VPS39: variants seen among roughly 807,000 people sequenced by gnomAD.
VPS39 encodes VPS39 subunit of HOPS complex, also known as vam6/Vps39-like protein.
VPS39 carries 70 observed loss-of-function variants against 121.0 expected under a neutral mutation model. The observed-to-expected ratio is 0.58, with a 90% CI of 0.48 to 0.71. The LOEUF (loss-of-function observed/expected upper bound fraction) is 0.71. Among genes scored for constraint, VPS39 ranks in the 30% least tolerant of loss-of-function variants. The probability of loss-of-function intolerance (pLI) is 0.00; values close to 1 mark genes in which losing one functional copy is unlikely to be tolerated. For synonymous variants in VPS39, 378 were observed against 398.1 expected (o/e 0.95, Z 0.60); for missense variants, 818 against 1,051.5 (o/e 0.78, Z 3.07).
At chr15:42,165,954 G>T in intron 16 of VPS39, 138 bp from the exon 17 acceptor site, 3 of 925,666 alleles carry the variant, frequency 3.2e-6, no homozygotes, top group Non-Finnish European at 5.1e-6. Context: ...CAGTCAGCAT[G>T]TCAGACGAGG....
At chr15:42,179,364 T>C (rs1249273819) in intron 8 of VPS39, among the ~76,000 whole-genome samples, 3 of 150,466 alleles carry the variant, frequency 2.0e-5, no homozygotes, top group Non-Finnish European at 3.0e-5. Flanking sequence ...GGTCAGGAGA[T>C]CGAGACCATC....
chr15:42,194,945 A>C (rs1182086056), intron 2 of VPS39, among the ~76,000 whole-genome samples: 11 of 151,952 alleles, frequency 7.2e-5, no homozygotes, highest in Admixed American at 2.6e-4. Context: ...TGAAAAAAAA[A>C]AAAAACAAAA....
intron 7 of VPS39, among the ~76,000 whole-genome samples, chr15:42,186,308 C>T (rs1182911962): frequency 6.6e-6 from 1 of 151,476 alleles, no homozygotes; most frequent in Non-Finnish European, 1.5e-5. Context: ...ATTAGCTGAG[C>T]ATGGTGGTAG....
chr15:42,191,056 A>G (rs2049818578), intron 4 of VPS39, 69 bp downstream of exon 4: 10 of 1,542,546 alleles, frequency 6.5e-6, no homozygotes, highest in African/African-American at 2.7e-5. Flanking sequence ...CAAATTAACC[A>G]TGAAAGGATT....
chr15:42,196,166 T>C (rs1254618175), intron 2 of VPS39, among the ~76,000 whole-genome samples: 4 of 152,104 alleles, frequency 2.6e-5, no homozygotes, highest in Admixed American at 2.6e-4. Context: ...ATACAAAAAT[T>C]AATTCAAGAT....
chr15:42,170,507 A>C (rs1255790763), intron 11 of VPS39, among the ~76,000 whole-genome samples: 1 of 152,170 alleles, frequency 6.6e-6, no homozygotes, highest in African/African-American at 2.4e-5. Context: ...GTCTCAAAAA[A>C]ATTTTTTAAA....
In VPS39 at chr15:42,208,164, G is replaced by C. The variant is rs921817966; in HGVS notation, c.-11C>G. On this transcript the variant is annotated 5_prime_UTR_variant, in exon 1 of 25. Coordinates refer to ENST00000318006, the MANE Select transcript of VPS39 (RefSeq NM_015289.5). ...GAAAGCGTCGTGCATGGCGGCAAGG[G>C]GAGAGTTGCCACCGCCGTCTCGCCC... 1.3e-6 allele frequency: 2 copies of C among 1,565,560 alleles called. No individual in the cohort carries two copies. The highest frequency in any genetic ancestry group is 1.4e-5 in the African/African-American group (1 of 73,754).
intron 24 of VPS39, 118 bp from the exon 25 acceptor site, chr15:42,160,947 C>A (rs1388947867): frequency 3.0e-6 from 3 of 1,008,746 alleles, no homozygotes; most frequent in Non-Finnish European, 4.6e-6. Flanking sequence ...AGCAGCCCAC[C>A]CAAACCTCAA....
chr15:42,164,317 C>A, intron 19 of VPS39, 41 bp downstream of exon 19: 4 of 1,612,006 alleles, frequency 2.5e-6, no homozygotes, highest in Non-Finnish European at 3.4e-6. Context: ...CTTTGCATGA[C>A]CTTCGCTGAA....
intron 10 of VPS39, among the ~76,000 whole-genome samples, chr15:42,174,525 A>G (rs763314089): frequency 6.6e-6 from 1 of 152,234 alleles, no homozygotes; most frequent in Non-Finnish European, 1.5e-5. Context: ...AAAGGACACT[A>G]ATAGAAAAAC....
intron 5 of VPS39, among the ~76,000 whole-genome samples, chr15:42,188,832 G>T (rs1196867848): frequency 6.6e-6 from 1 of 152,126 alleles, no homozygotes; most frequent in African/African-American, 2.4e-5. Context: ...CGGACGTGGT[G>T]GTGCACACCT....
Position 42,166,241 on chromosome 15 carries a change from A to G in VPS39, c.1607-9T>C, listed in dbSNP as rs2049240252. Reference sequence around the variant, plus strand: ...ATGCAGGTTTTCTGTGCCTAGAAGGAAAAGCAGGACTTGTCAGCAGTTGAG... The same window carrying G: ...ATGCAGGTTTTCTGTGCCTAGAAGGGAAAGCAGGACTTGTCAGCAGTTGAG... On this transcript the variant is annotated splice_polypyrimidine_tract_variant and intron_variant, in intron 15 of 24. Transcript: ENST00000318006. The G allele has an allele frequency of 6.2e-7, 1 of 1,613,948 alleles. No homozygotes were observed. Among genetic ancestry groups the G allele is most frequent in the African/African-American group, 1.3e-5 (1 of 74,936 alleles).
chr15:42,192,078 G>A (rs796870974), intron 2 of VPS39: 3 of 1,536,384 alleles, frequency 2.0e-6, no homozygotes, highest in African/African-American at 2.7e-5. Flanking sequence ...CCGCTTTCAG[G>A]TGATGCTACA....
At chr15:42,181,690 T>A (rs1401749141) in intron 8 of VPS39, among the ~76,000 whole-genome samples, 1 of 152,194 alleles carries the variant, frequency 6.6e-6, no homozygotes, top group Non-Finnish European at 1.5e-5. Flanking sequence ...TGTGTCTAAT[T>A]TGCTAATATT....
At chr15:42,161,530 G>A (rs759474135) in intron 24 of VPS39, 152 bp downstream of exon 24, 12 of 804,696 alleles carry the variant, frequency 1.5e-5, no homozygotes, top group South Asian at 1.5e-4. Flanking sequence ...AGAACAGGCT[G>A]CTCTCTGAAG....
chr15:42,183,580 C>G (rs2049635030), intron 8 of VPS39, among the ~76,000 whole-genome samples: 1 of 152,184 alleles, frequency 6.6e-6, no homozygotes, highest in East Asian at 1.9e-4. Flanking sequence ...TGGACTTCTA[C>G]TCATTTATTG....
chr15:42,195,974 T>C (rs1349028905), intron 2 of VPS39, among the ~76,000 whole-genome samples: 1 of 151,982 alleles, frequency 6.6e-6, no homozygotes, highest in Non-Finnish European at 1.5e-5. Context: ...AAAACAGAGA[T>C]AGAGACAAAT....
At chr15:42,202,521 T>C (rs1231329930) in intron 1 of VPS39, among the ~76,000 whole-genome samples, 1 of 152,226 alleles carries the variant, frequency 6.6e-6, no homozygotes, top group Non-Finnish European at 1.5e-5. Flanking sequence ...GGCCACCCAC[T>C]GATATTTCAG....
At chr15:42,185,593 A>C (rs924617265) in intron 7 of VPS39, among the ~76,000 whole-genome samples, 1 of 152,196 alleles carries the variant, frequency 6.6e-6, no homozygotes, top group Non-Finnish European at 1.5e-5. Flanking sequence ...AACATGGATA[A>C]ATCTCCAGTG....
Sources: gnomAD v4.1 joint callset for allele counts (sites outside exome capture counted in the v4.1 genomes callset) on GRCh38, gnomAD v4.1.1 for gene constraint, MANE v1.5 for transcripts, NCBI Gene and HGNC (gene_info 2026-07-23, HGNC 2026-07-21) for gene names.